JPH1: variants seen among roughly 807,000 people sequenced by gnomAD.
JPH1 encodes junctophilin-1.
Under a neutral mutation model 53.6 loss-of-function variants are expected in JPH1, and 12 were observed. That is an observed-to-expected ratio of 0.22 (90% confidence interval 0.14 to 0.36). The LOEUF is 0.36. Ranked by LOEUF, JPH1 falls within the 10% of genes least tolerant of loss-of-function variation. The pLI is 1.00. For missense variants in JPH1, 808 were observed against 905.5 expected, an observed-to-expected ratio of 0.89 and a Z score of 1.38; for synonymous variants, 375 against 363.8, an observed-to-expected ratio of 1.03 and a Z score of -0.35.
chr8:74,266,111 C>T lies in JPH1; in HGVS notation c.1140-6608G>A, dbSNP rs573970321. Among the ~76,000 whole-genome samples the T allele has an allele frequency of 5.9e-4, 90 of 151,428 alleles. 1 individual carries two copies. The highest frequency in any genetic ancestry group is 2.1e-3 in the African/African-American group (88 of 40,946). On this transcript the variant is annotated intron_variant, in intron 2 of 5. Transcript: ENST00000342232. ...ATTACCACATAATCCACCAATCCTA[C>T]TTTTCAGTATATACTAAAAAAAAAA...
intron 3 of JPH1, among the ~76,000 whole-genome samples, chr8:74,249,937 C>T (rs1041772054): frequency 1.3e-5 from 2 of 152,138 alleles, no homozygotes; most frequent in African/African-American, 4.8e-5. Flanking sequence ...AGACAAAGCT[C>T]GTTGGGGATG....
At chr8:74,297,686 C>T (rs1807560022) in intron 2 of JPH1, among the ~76,000 whole-genome samples, 1 of 152,192 alleles carries the variant, frequency 6.6e-6, no homozygotes, top group Non-Finnish European at 1.5e-5. Context: ...TCTTTTGCTC[C>T]ATTTTGCACA....
At chr8:74,241,806 C>G (rs1805697072) in intron 4 of JPH1, among the ~76,000 whole-genome samples, 1 of 152,052 alleles carries the variant, frequency 6.6e-6, no homozygotes, top group Admixed American at 6.6e-5. Context: ...AGATGAACCT[C>G]AAAACAAACT....
chr8:74,291,161 C>A (rs1245823622), intron 2 of JPH1, among the ~76,000 whole-genome samples: 1 of 152,036 alleles, frequency 6.6e-6, no homozygotes, highest in Non-Finnish European at 1.5e-5. Context: ...AACTTCTGCA[C>A]AGCAAAAGAA....
rs56719057 is a variant in JPH1, at chr8:74,320,184, T to C, written c.379+725A>G. ...CATTTCTAAAATATCTTCCTAGTAA[T>C]TTGTCCAAGATCTCCAGGTCAGCAA... On this transcript the variant is annotated intron_variant, in intron 1 of 5. Coordinates refer to ENST00000342232, the MANE Select transcript of JPH1 (RefSeq NM_020647.4). The surrounding 1 kb of genome is among the most constrained non-coding windows in gnomAD (Gnocchi z 4.4). Among the ~76,000 whole-genome samples, 23,765 of 152,146 alleles carry C rather than the reference T, an allele frequency of 0.16. 2,310 individuals carry two copies. Among genetic ancestry groups the C allele is most frequent in the South Asian group, 0.32 (1,524 of 4,822 alleles).
intron 2 of JPH1, among the ~76,000 whole-genome samples, chr8:74,301,473 G>A (rs929947856): frequency 6.6e-5 from 10 of 152,196 alleles, no homozygotes; most frequent in Non-Finnish European, 1.5e-4. Flanking sequence ...GTACTGGGTG[G>A]AGGACTAGAG....
In JPH1 at chr8:74,280,265, T is replaced by C. The variant is rs79669804; in HGVS notation, c.1140-20762A>G. ...AAGTGCATGGTAGGAGGCATCATAA[T>C]AGAACCATACAGGGTGCAAAGTACA... On this transcript the variant is annotated intron_variant, in intron 2 of 5. Transcript: ENST00000342232. 1.0e-3 allele frequency among the ~76,000 whole-genome samples: 154 copies of C among 152,312 alleles called. 1 individual carries two copies. The highest frequency in any genetic ancestry group is 8.8e-3 in the Admixed American group (134 of 15,298).
chr8:74,288,896 A>G (rs1807244522), intron 2 of JPH1, among the ~76,000 whole-genome samples: 1 of 152,246 alleles, frequency 6.6e-6, no homozygotes, highest in Non-Finnish European at 1.5e-5. Flanking sequence ...ATTTCAGGTA[A>G]AAGCTTGTAG....
intron 2 of JPH1, among the ~76,000 whole-genome samples, chr8:74,265,851 G>A (rs28548050): frequency 0.07 from 10,660 of 151,454 alleles, 948 homozygotes; most frequent in African/African-American, 0.2. Context: ...TGTCCAATAA[G>A]CACTTAAAAA....
chr8:74,252,124 G>A (rs1167947511), intron 3 of JPH1, among the ~76,000 whole-genome samples: 3 of 152,138 alleles, frequency 2.0e-5, no homozygotes, highest in Non-Finnish European at 4.4e-5. Context: ...GCCATATGTA[G>A]AAAGCTGAAA....
chr8:74,281,885 T>C (rs767016940), intron 2 of JPH1, among the ~76,000 whole-genome samples: 25 of 152,254 alleles, frequency 1.6e-4, no homozygotes, highest in Middle Eastern at 3.4e-3. Flanking sequence ...CAGCCACCTT[T>C]GACATTATAA....
At chr8:74,260,452 G>A (rs1806357747) in intron 2 of JPH1, among the ~76,000 whole-genome samples, 1 of 152,154 alleles carries the variant, frequency 6.6e-6, no homozygotes, top group Non-Finnish European at 1.5e-5. Flanking sequence ...GCCTTGTCCC[G>A]TTAGTCTTTA....
intron 3 of JPH1, among the ~76,000 whole-genome samples, chr8:74,255,463 A>G (rs1312604190): frequency 6.6e-6 from 1 of 152,108 alleles, no homozygotes; most frequent in Non-Finnish European, 1.5e-5. Flanking sequence ...CCTAGGCAAT[A>G]CCATTCAGGA....
At chr8:74,287,635 G>T (rs1807205727) in intron 2 of JPH1, among the ~76,000 whole-genome samples, 2 of 150,590 alleles carry the variant, frequency 1.3e-5, no homozygotes, top group African/African-American at 4.9e-5. Flanking sequence ...AATTGCATTA[G>T]TTTGCACATA....
intron 2 of JPH1, among the ~76,000 whole-genome samples, chr8:74,270,818 G>C (rs907186983): frequency 1.3e-5 from 2 of 152,120 alleles, no homozygotes; most frequent in Non-Finnish European, 2.9e-5. Context: ...CTGACCAGCA[G>C]CCTGCTGTCT....
chr8:74,278,129 C>T (rs1177769559), intron 2 of JPH1, among the ~76,000 whole-genome samples: 1 of 152,098 alleles, frequency 6.6e-6, no homozygotes, highest in African/African-American at 2.4e-5. Context: ...GTGGGAGGGA[C>T]CTGGTGGGAG....
At chr8:74,243,147 G>A (rs1805746256) in intron 4 of JPH1, among the ~76,000 whole-genome samples, 1 of 152,168 alleles carries the variant, frequency 6.6e-6, no homozygotes. Flanking sequence ...TGATATATGC[G>A]AGGCCTTATT....
chr8:74,315,460 T>G lies in JPH1; in HGVS notation c.540A>C (p.Ala180=). ...TGCCGGCCGGGCTGTCGGCGGCGGC[T>G]GCGGCGTCGTGGAGCACGCTGCCAT... ...QSNGSVLHDA[A]AAADSPAGTR... The change falls in exon 2 of 6, where the codon GCA becomes GCC. Residue 180 remains alanine, a synonymous_variant. Transcript: ENST00000342232. The surrounding 1 kb of genome is among the most constrained non-coding windows in gnomAD (Gnocchi z 6.3). 6.2e-7 allele frequency: 1 copy of G among 1,608,292 alleles called. No homozygotes were observed. Among genetic ancestry groups the G allele is most frequent in the Non-Finnish European group, 8.5e-7 (1 of 1,177,950 alleles).
chr8:74,306,840 G>A (rs138399870), intron 2 of JPH1, among the ~76,000 whole-genome samples: 9,495 of 151,942 alleles, frequency 0.062, 1,005 homozygotes, highest in African/African-American at 0.22. Flanking sequence ...CAAGGGATCC[G>A]CCCGCCTCGG....
Sources: gnomAD v4.1 joint callset for allele counts (sites outside exome capture counted in the v4.1 genomes callset) on GRCh38, gnomAD v4.1.1 for gene constraint, Gnocchi (gnomAD v3.1) non-coding constraint, MANE v1.5 for transcripts, NCBI Gene and HGNC (gene_info 2026-07-23, HGNC 2026-07-21) for gene names.